CDH12: variants seen among roughly 807,000 people sequenced by gnomAD.
The protein encoded by CDH12 is cadherin-12.
CDH12 carries 41 observed loss-of-function variants against 74.1 expected under a neutral mutation model. The observed-to-expected ratio is 0.55, with a 90% CI of 0.43 to 0.72. The LOEUF is 0.72. Ranked by LOEUF, CDH12 falls within the 30% of genes least tolerant of loss-of-function variation. The pLI is 0.00. For synonymous variants in CDH12, 399 were observed against 355.0 expected (o/e 1.12, Z -1.39); for missense variants, 945 against 977.2 (o/e 0.97, Z 0.44).
intron 5 of CDH12, among the ~76,000 whole-genome samples, chr5:22,049,193 C>T (rs989268648): frequency 6.6e-6 from 1 of 152,082 alleles, no homozygotes; most frequent in Non-Finnish European, 1.5e-5. Context: ...TTGATATATA[C>T]ATATGCTGGG....
intron 6 of CDH12, among the ~76,000 whole-genome samples, chr5:21,864,736 A>G (rs1751237448): frequency 6.6e-6 from 1 of 152,202 alleles, no homozygotes; most frequent in Non-Finnish European, 1.5e-5. Context: ...GGAACAAACT[A>G]TGAAAAAACC....
intron 3 of CDH12, among the ~76,000 whole-genome samples, chr5:22,388,777 C>T (rs1742108908): frequency 6.6e-6 from 1 of 152,050 alleles, no homozygotes; most frequent in Admixed American, 6.5e-5. Context: ...AACGTAAATG[C>T]CTTAAATATA....
At chr5:22,585,210 C>T (rs1437740014) in intron 1 of CDH12, among the ~76,000 whole-genome samples, 1 of 152,128 alleles carries the variant, frequency 6.6e-6, no homozygotes, top group Non-Finnish European at 1.5e-5. Flanking sequence ...TCTTCCAGCA[C>T]CCTGCCTATT....
rs1755702925 is a variant in CDH12, at chr5:21,948,975, G to T, written c.526+26116C>A. ...AGATGACTGCTTCCCATTTCACCATGACTGTAAGTTCCATGAGGCCTCCTC... is the reference window on the plus strand; with the variant it reads ...AGATGACTGCTTCCCATTTCACCATTACTGTAAGTTCCATGAGGCCTCCTC... On this transcript the variant is annotated intron_variant, in intron 6 of 14. Transcript: ENST00000382254. Among the ~76,000 whole-genome samples, 3 of 151,632 alleles carry T rather than the reference G, an allele frequency of 2.0e-5. 1 individual carries two copies. In the South Asian group the frequency reaches 6.3e-4, roughly 32 times the overall value.
At chr5:22,793,898 C>T (rs1748051749) in intron 1 of CDH12, among the ~76,000 whole-genome samples, 1 of 152,130 alleles carries the variant, frequency 6.6e-6, no homozygotes, top group Admixed American at 6.5e-5. Context: ...ACTCCTTTCT[C>T]ATTACTATTA....
chr5:22,611,846 T>A (rs1048658895), intron 1 of CDH12, among the ~76,000 whole-genome samples: 1 of 152,010 alleles, frequency 6.6e-6, no homozygotes, highest in African/African-American at 2.4e-5. Flanking sequence ...GAGTGCAGAG[T>A]GGATCTGGAG....
At chr5:22,612,034 T>A (rs1433571964) in intron 1 of CDH12, among the ~76,000 whole-genome samples, 1 of 152,166 alleles carries the variant, frequency 6.6e-6, no homozygotes, top group East Asian at 1.9e-4. Context: ...CAAAGATAAT[T>A]AAAAACATTT....
At chr5:22,545,168 G>A (rs1439346764) in intron 1 of CDH12, among the ~76,000 whole-genome samples, 1 of 152,120 alleles carries the variant, frequency 6.6e-6, no homozygotes, top group Non-Finnish European at 1.5e-5. Context: ...TTATTGTGCT[G>A]GGACACTTAA....
chr5:22,514,872 A>G (rs1440429638), intron 1 of CDH12, among the ~76,000 whole-genome samples: 3 of 152,162 alleles, frequency 2.0e-5, no homozygotes, highest in Non-Finnish European at 4.4e-5. Context: ...AAAGACATTA[A>G]AAAGGAAGAA....
At chr5:22,490,313 T>TTA (rs1746805934) in intron 2 of CDH12, among the ~76,000 whole-genome samples, 1 of 152,198 alleles carries the variant, frequency 6.6e-6, no homozygotes, top group Non-Finnish European at 1.5e-5. Flanking sequence ...TCTCTTATAA[T>TTA]ATTGCTTTCA....
chr5:22,402,009 T>C (rs1035893259), intron 3 of CDH12, among the ~76,000 whole-genome samples: 4 of 152,226 alleles, frequency 2.6e-5, no homozygotes, highest in Non-Finnish European at 2.9e-5. Context: ...ATTTTGGCCT[T>C]CTGGCCTTCA....
chr5:22,154,554 CATAT>C (rs1169853012), intron 4 of CDH12, among the ~76,000 whole-genome samples: 3 of 148,508 alleles, frequency 2.0e-5, no homozygotes, highest in African/African-American at 7.5e-5. Context: ...TATGTGTACA[CATAT>C]ATATACACAT....
intron 1 of CDH12, among the ~76,000 whole-genome samples, chr5:22,797,323 C>T (rs1748282419): frequency 6.6e-6 from 1 of 152,060 alleles, no homozygotes; most frequent in Non-Finnish European, 1.5e-5. Flanking sequence ...CCTTGGACTG[C>T]TCAGCCTCCA....
intron 1 of CDH12, among the ~76,000 whole-genome samples, chr5:22,544,471 T>C (rs181599520): frequency 2.7e-4 from 41 of 152,258 alleles, no homozygotes; most frequent in Middle Eastern, 3.4e-3. Context: ...ATAATATGTA[T>C]AATATTAGAA....
chr5:21,926,869 A>G (rs1754606178), intron 6 of CDH12, among the ~76,000 whole-genome samples: 1 of 152,202 alleles, frequency 6.6e-6, no homozygotes, highest in African/African-American at 2.4e-5. Flanking sequence ...TGTTTTCACT[A>G]TAAAAAATGA....
At chr5:21,941,108 C>G (rs1755310795) in intron 6 of CDH12, among the ~76,000 whole-genome samples, 1 of 152,066 alleles carries the variant, frequency 6.6e-6, no homozygotes, top group Non-Finnish European at 1.5e-5. Flanking sequence ...TTCACTGCTG[C>G]CTGCCAGCTA....
intron 3 of CDH12, among the ~76,000 whole-genome samples, chr5:22,287,778 TATATA>T (rs1737222686): frequency 6.7e-6 from 1 of 149,840 alleles, no homozygotes; most frequent in South Asian, 2.1e-4. Flanking sequence ...CAAAATAAAA[TATATA>T]ATATAAAAAT....
chr5:22,231,672 C>A (rs907132377), intron 3 of CDH12, among the ~76,000 whole-genome samples: 2 of 151,864 alleles, frequency 1.3e-5, no homozygotes, highest in Non-Finnish European at 2.9e-5. Flanking sequence ...GTTTCTAAAT[C>A]ATAAATTATA....
chr5:22,244,329 A>C (rs1397873301), intron 3 of CDH12, among the ~76,000 whole-genome samples: 1 of 151,640 alleles, frequency 6.6e-6, no homozygotes, highest in African/African-American at 2.4e-5. Context: ...TTCTCTCATA[A>C]AAATACAAAA....
Sources: gnomAD v4.1 joint callset for allele counts (sites outside exome capture counted in the v4.1 genomes callset) on GRCh38, gnomAD v4.1.1 for gene constraint, MANE v1.5 for transcripts, NCBI Gene and HGNC (gene_info 2026-07-23, HGNC 2026-07-21) for gene names.